LIPK: variants seen among roughly 807,000 people sequenced by gnomAD.
LIPK encodes the protein lipase family member K.
A neutral mutation model predicts 48.6 loss-of-function variants in LIPK; 32 were observed. The observed-to-expected ratio is 0.66, with a 90% confidence interval of 0.50 to 0.88. The LOEUF (loss-of-function observed/expected upper bound fraction) is 0.88. LIPK is among the 40% of genes least tolerant of loss of function. The pLI, the probability that LIPK is intolerant of heterozygous loss-of-function variation, is 0.00. For missense variants in LIPK, 507 were observed against 478.5 expected, an observed-to-expected ratio of 1.06 and a Z score of -0.56; for synonymous variants, 164 against 157.4, an observed-to-expected ratio of 1.04 and a Z score of -0.32.
chr10:88,749,718 T>G (rs1842830639), intron 9 of LIPK, among the ~76,000 whole-genome samples: 1 of 151,918 alleles, frequency 6.6e-6, no homozygotes, highest in Non-Finnish European at 1.5e-5. Flanking sequence ...AATTTCATGA[T>G]AAAGATGCAA....
chr10:88,738,563 A>G (rs1035735893), intron 7 of LIPK, among the ~76,000 whole-genome samples: 3 of 152,244 alleles, frequency 2.0e-5, no homozygotes, highest in Admixed American at 6.5e-5. Flanking sequence ...TCACTTTCTC[A>G]GTGTACAATG....
At chr10:88,745,597 A>G (rs1694096317) in intron 9 of LIPK, among the ~76,000 whole-genome samples, 4 of 152,234 alleles carry the variant, frequency 2.6e-5, no homozygotes, top group African/African-American at 9.6e-5. Flanking sequence ...ATTTATTACC[A>G]CCAGACCTGC....
At position 88,706,303 on chromosome 10, in the gene LIPK, T is replaced by A. The variant is rs1841934171; in HGVS notation, c.-29T>A. ...AGCTCCCAGGACTTGAAGACAGACC[T>A]CCAAAGACTTGGATCAGGTAATGAC... On this transcript the variant is annotated 5_prime_UTR_variant, in exon 1 of 10. Coordinates refer to ENST00000404190, the MANE Select transcript of LIPK (RefSeq NM_001080518.2). Among the ~76,000 whole-genome samples, 1 of 152,162 alleles carries A rather than the reference T, an allele frequency of 6.6e-6. No homozygotes were observed. The highest frequency in any genetic ancestry group is 2.4e-5 in the African/African-American group (1 of 41,432).
chr10:88,739,265 T>C (rs1448232175), intron 7 of LIPK, among the ~76,000 whole-genome samples: 3 of 152,236 alleles, frequency 2.0e-5, no homozygotes, highest in Admixed American at 2.0e-4. Flanking sequence ...TACAGATCTA[T>C]TCTTAGTGTC....
chr10:88,749,642 C>G (rs71477200), intron 9 of LIPK, among the ~76,000 whole-genome samples: 5,334 of 112,140 alleles, frequency 0.048, 146 homozygotes, highest in Non-Finnish European at 0.063. Context: ...AAATGTATAA[C>G]CTACAACTAT....
At chr10:88,726,093 T>C (rs1397708440) in intron 2 of LIPK, among the ~76,000 whole-genome samples, 1 of 152,062 alleles carries the variant, frequency 6.6e-6, no homozygotes, top group Non-Finnish European at 1.5e-5. Flanking sequence ...TCCCCTCTTC[T>C]TTCAAGTCTG....
At chr10:88,708,629 TTTAAAA>T (rs542835770) in intron 1 of LIPK, among the ~76,000 whole-genome samples, 42 of 152,166 alleles carry the variant, frequency 2.8e-4, no homozygotes, top group African/African-American at 8.9e-4. Flanking sequence ...ATATTAATAG[TTTAAAA>T]TTAAATTGCT....
intron 1 of LIPK, among the ~76,000 whole-genome samples, chr10:88,716,371 T>TTG (rs1433132956): frequency 1.3e-5 from 2 of 149,666 alleles, no homozygotes; most frequent in African/African-American, 4.9e-5. Flanking sequence ...TTTTTTTTTT[T>TTG]TTTTGAGACA....
At chr10:88,743,105 C>A in intron 8 of LIPK, 145 bp from the exon 9 acceptor site, 1 of 539,728 alleles carries the variant, frequency 1.9e-6, no homozygotes, top group Non-Finnish European at 3.3e-6. Flanking sequence ...ATTTTTATTA[C>A]TTATTTTCTT....
rs535141951 is a variant in LIPK, at chr10:88,706,943, A to G, written c.-12+623A>G. Among the ~76,000 whole-genome samples the G allele has an allele frequency of 6.8e-4, 104 of 152,258 alleles. 1 individual carries two copies. The highest frequency in any genetic ancestry group is 1.1e-3 in the Non-Finnish European group (73 of 68,016). On this transcript the variant is annotated intron_variant, in intron 1 of 9. Coordinates refer to ENST00000404190, the MANE Select transcript of LIPK (RefSeq NM_001080518.2). ...TTCACATTAATGTAGATGATATTTA[A>G]GAGTATCATGCTCCTGTCACCCTTT...
rs922702675 is a variant in LIPK at position 88,740,139 on chromosome 10, T to C, written c.888+72T>C. The C allele has an allele frequency of 6.2e-6, 7 of 1,135,732 alleles. No individual in the cohort carries two copies. In the African/African-American group the frequency reaches 1.1e-4, roughly 18 times the overall value. The allele number at this position is 1,135,732 out of a possible 1,614,324, so 70.4% of individuals were successfully genotyped here. On this transcript the variant is annotated intron_variant, in intron 8 of 9. Coordinates refer to ENST00000404190, the MANE Select transcript of LIPK (RefSeq NM_001080518.2). The stretch of plus-strand genomic sequence containing the variant: ...CCCTCAAGAAGTGCTCTCAGAGAGC[T>C]CACTGCAGGGTTCTGCTGGCACCTG...
chr10:88,743,619 G>A (rs12765161), intron 9 of LIPK, among the ~76,000 whole-genome samples: 58,022 of 151,822 alleles, frequency 0.38, 11,388 homozygotes, highest in East Asian at 0.57. Flanking sequence ...ATGGTCAACT[G>A]GATACAGCCA....
In LIPK at chr10:88,732,272, C is replaced by A. The variant is rs777016385; in HGVS notation, c.517C>A (p.Gln173Lys). Residue 173 changes from glutamine (Q) to lysine (K), a missense_variant, in exon 5 of 10, where the codon CAA (glutamine) becomes AAA (lysine). Gln to Lys is a moderately conservative substitution (Grantham distance 53, BLOSUM62 1). Transcript: ENST00000404190. ...QKRLYYVGHSQGTTIAFIAFS... is the reference protein window; with the variant it reads ...QKRLYYVGHSKGTTIAFIAFS... ...GCGACTCTACTACGTGGGCCACTCA[C>A]AAGGCACCACCATAGGTGTGTTTGG... is the stretch of plus-strand genomic sequence containing the variant. 6.2e-7 allele frequency: 1 copy of A among 1,613,576 alleles called. No individual in the cohort carries two copies. The highest frequency in any genetic ancestry group is 8.5e-7 in the Non-Finnish European group (1 of 1,179,702).
chr10:88,740,821 C>A (rs1432688591), intron 8 of LIPK, among the ~76,000 whole-genome samples: 1 of 151,988 alleles, frequency 6.6e-6, no homozygotes, highest in Admixed American at 6.5e-5. Flanking sequence ...CCCCCCCAAC[C>A]AGGAATTTGC....
At position 88,722,126 on chromosome 10, in the gene LIPK, C is replaced by T. The variant is rs184635284; in HGVS notation, c.-11-2407C>T. Among the ~76,000 whole-genome samples the T allele has an allele frequency of 1.0e-3, 157 of 152,174 alleles. 1 individual carries two copies. Among genetic ancestry groups the T allele is most frequent in the Middle Eastern group, 3.4e-3 (1 of 294 alleles). On this transcript the variant is annotated intron_variant, in intron 1 of 9. Transcript: ENST00000404190. ...CAGCCTGACCAAAATGGTGAAACCC[C>T]GTCTCTACTAAAACTACAAAAAATT...
chr10:88,718,912 G>A (rs1842169336), intron 1 of LIPK, among the ~76,000 whole-genome samples: 1 of 152,114 alleles, frequency 6.6e-6, no homozygotes, highest in South Asian at 2.1e-4. Flanking sequence ...TATTTGAGAA[G>A]TGTTGGTACA....
intron 9 of LIPK, among the ~76,000 whole-genome samples, chr10:88,745,659 C>A (rs1351078205): frequency 1.3e-5 from 2 of 152,238 alleles, no homozygotes; most frequent in Non-Finnish European, 2.9e-5. Context: ...AGACTGGTAC[C>A]AGATACTACA....
At position 88,752,723 on chromosome 10, in the gene LIPK, A is replaced by G. The variant is rs373296114; in HGVS notation, c.1167A>G (p.Leu389=). The G allele has an allele frequency of 1.7e-5, 27 of 1,559,496 alleles. No homozygotes were observed. Among genetic ancestry groups the G allele is most frequent in the Non-Finnish European group, 2.3e-5 (26 of 1,147,424 alleles). The change falls in exon 10 of 10, where the codon CTA becomes CTG. Residue 389 remains leucine (L), a synonymous_variant. Coordinates refer to ENST00000404190, the MANE Select transcript of LIPK (RefSeq NM_001080518.2). ...EDAPQEIYQD[L]IILMEEYLQN The stretch of plus-strand genomic sequence containing the variant: ...CACCTCAGGAAATTTACCAAGACCT[A>G]ATTATATTGATGGAAGAATATTTAC...
At chr10:88,709,892 G>A (rs866572360) in intron 1 of LIPK, among the ~76,000 whole-genome samples, 3 of 152,104 alleles carry the variant, frequency 2.0e-5, no homozygotes, top group Middle Eastern at 6.8e-3. Context: ...GAAATTCTCA[G>A]GCCAAATTAG....
Sources: allele counts gnomAD v4.1 joint callset (sites outside exome capture counted in the v4.1 genomes callset), GRCh38; gene constraint gnomAD v4.1.1; transcripts MANE v1.5; gene names NCBI Gene and HGNC (gene_info 2026-07-23, HGNC 2026-07-21).